SPON1: variants seen among roughly 807,000 people sequenced by gnomAD.
SPON1 encodes spondin-1.
SPON1 carries 52 observed loss-of-function variants against 111.7 expected under a neutral mutation model. That is an observed-to-expected ratio of 0.47 (90% confidence interval 0.37 to 0.59). The LOEUF is 0.59. Among genes scored for constraint, SPON1 ranks in the 20% least tolerant of loss-of-function variants. The probability of loss-of-function intolerance (pLI) is 0.00; values close to 1 mark genes in which losing one functional copy is unlikely to be tolerated. For missense variants in SPON1, 957 were observed against 1,068.5 expected (o/e 0.90, Z 1.46); for synonymous variants, 410 against 395.8 (o/e 1.04, Z -0.43).
intron 6 of SPON1, among the ~76,000 whole-genome samples, chr11:14,137,712 C>T (rs558533832): frequency 1.2e-4 from 19 of 152,088 alleles, no homozygotes; most frequent in Non-Finnish European, 2.5e-4. Flanking sequence ...ATGGCAGTAC[C>T]GTGAATTTCA....
intron 6 of SPON1, among the ~76,000 whole-genome samples, chr11:14,175,856 G>C (rs1457765056): frequency 2.0e-5 from 3 of 152,192 alleles, no homozygotes; most frequent in Admixed American, 6.5e-5. Context: ...CCATAGGCAA[G>C]GTTCTTAATT....
intron 6 of SPON1, among the ~76,000 whole-genome samples, chr11:14,151,446 G>C (rs781921781): frequency 4.6e-5 from 7 of 152,134 alleles, no homozygotes; most frequent in African/African-American, 7.2e-5. Flanking sequence ...GCCATTGAGG[G>C]TTTCTGAGCA....
At chr11:14,237,962 A>C (rs1387402701) in intron 6 of SPON1, among the ~76,000 whole-genome samples, 1 of 152,210 alleles carries the variant, frequency 6.6e-6, no homozygotes, top group Admixed American at 6.5e-5. Flanking sequence ...TGTGGCCTCT[A>C]GAATCAGACT....
chr11:14,186,538 ACT>A (rs1327835153), intron 6 of SPON1, among the ~76,000 whole-genome samples: 3 of 151,826 alleles, frequency 2.0e-5, no homozygotes, highest in Non-Finnish European at 4.4e-5. Flanking sequence ...ATTTTCTTTG[ACT>A]CTGTACCTTT....
chr11:14,177,142 G>T (rs1385386457), intron 6 of SPON1, among the ~76,000 whole-genome samples: 4 of 152,128 alleles, frequency 2.6e-5, no homozygotes, highest in Non-Finnish European at 5.9e-5. Flanking sequence ...CCAGGTTCAC[G>T]CCATTCTCCT....
Position 13,963,119 on chromosome 11 carries a change from A to G in SPON1, c.215A>G (p.Tyr72Cys). 1 of 1,525,500 alleles carries G rather than the reference A, an allele frequency of 6.6e-7. No homozygotes were observed. 94.5% of individuals were successfully genotyped at this position (1,525,500 alleles called of 1,614,324 possible). ...SLRVEGDPDF[Y>C]KPGTSYRVTL... ...CGCGTGGAGGGCGACCCCGACTTCT[A>G]CAAGCCGGGAACCAGCTACCGCGGT... Residue 72 changes from tyrosine to cysteine, a missense_variant, in exon 1 of 16, where the codon TAC becomes TGC. Tyr to Cys is a radical substitution (Grantham distance 194). Transcript: ENST00000576479.
Position 14,257,859 on chromosome 11 carries a change from G to C in SPON1, c.1453G>C (p.Asp485His). The C allele has an allele frequency of 6.3e-7, 1 of 1,581,796 alleles. No homozygotes were observed. Among genetic ancestry groups the C allele is most frequent in the Non-Finnish European group, 8.6e-7 (1 of 1,164,614 alleles). Residue 485 changes from aspartate to histidine, a missense_variant, in exon 11 of 16, where the codon GAC becomes CAC. Transcript: ENST00000576479. ...DLSVPCPDTQ[D>H]FQPCMGPGCS... ...CAGCGTCCCCTGCCCTGACACCCAGGACTTCCAGCCCTGCATGGGCCCTGG... is the reference window on the plus strand; with the variant it reads ...CAGCGTCCCCTGCCCTGACACCCAGCACTTCCAGCCCTGCATGGGCCCTGG...
intron 6 of SPON1, among the ~76,000 whole-genome samples, chr11:14,201,794 C>T (rs35926848): frequency 0.044 from 6,761 of 152,156 alleles, 234 homozygotes; most frequent in Non-Finnish European, 0.068. Flanking sequence ...AGGACAAAAT[C>T]TAGTGCATCT....
At chr11:14,131,006 T>A (rs560843712) in intron 5 of SPON1, among the ~76,000 whole-genome samples, 1 of 152,280 alleles carries the variant, frequency 6.6e-6, no homozygotes, top group South Asian at 2.1e-4. Flanking sequence ...CCATATCAGC[T>A]TAATACATGT....
intron 6 of SPON1, among the ~76,000 whole-genome samples, chr11:14,192,382 T>G (rs1367514331): frequency 2.6e-5 from 4 of 152,158 alleles, no homozygotes; most frequent in Non-Finnish European, 5.9e-5. Flanking sequence ...CATAAATATT[T>G]GTTGAATAAA....
At chr11:14,090,845 G>A (rs182146843) in intron 5 of SPON1, among the ~76,000 whole-genome samples, 5 of 38,014 alleles carry the variant, frequency 1.3e-4, no homozygotes, top group Admixed American at 2.6e-4. Context: ...CCCCCCCCCC[G>A]CCCACATCCT....
At chr11:14,059,888 A>T (rs73422184) in intron 3 of SPON1, among the ~76,000 whole-genome samples, 18 of 152,188 alleles carry the variant, frequency 1.2e-4, no homozygotes, top group African/African-American at 4.3e-4. Context: ...GTTGTCAAGA[A>T]GGTCCTTGAC....
chr11:14,088,941 C>T (rs1849028695), intron 5 of SPON1, among the ~76,000 whole-genome samples: 1 of 151,614 alleles, frequency 6.6e-6, no homozygotes, highest in African/African-American at 2.4e-5. Context: ...CTTGTGAATG[C>T]CTCAGGAAGT....
chr11:13,975,433 AT>A (rs1848095335), intron 1 of SPON1, among the ~76,000 whole-genome samples: 1 of 152,332 alleles, frequency 6.6e-6, no homozygotes, highest in Admixed American at 6.5e-5. Flanking sequence ...AGCATTTACT[AT>A]GTGTAAAGTG....
chr11:13,984,130 A>G (rs1848164648), intron 2 of SPON1, among the ~76,000 whole-genome samples: 1 of 152,208 alleles, frequency 6.6e-6, no homozygotes, highest in Admixed American at 6.5e-5. Flanking sequence ...TGTTGGGTAC[A>G]TACCATATGC....
At chr11:14,179,784 C>T (rs955876566) in intron 6 of SPON1, among the ~76,000 whole-genome samples, 2 of 152,032 alleles carry the variant, frequency 1.3e-5, no homozygotes, top group Non-Finnish European at 2.9e-5. Flanking sequence ...CTGCACTTCT[C>T]GCAGTAGCAC....
intron 6 of SPON1, among the ~76,000 whole-genome samples, chr11:14,195,558 G>A (rs1298531347): frequency 6.6e-6 from 1 of 152,216 alleles, no homozygotes; most frequent in Admixed American, 6.5e-5. Context: ...AGGGTGAAAT[G>A]TCAGGTCCTA....
At chr11:14,202,318 C>A (rs1302800342) in intron 6 of SPON1, among the ~76,000 whole-genome samples, 1 of 152,188 alleles carries the variant, frequency 6.6e-6, no homozygotes, top group East Asian at 1.9e-4. Flanking sequence ...TCACATCTCC[C>A]TCATCTTGCA....
At chr11:14,217,623 A>G (rs1211977800) in intron 6 of SPON1, among the ~76,000 whole-genome samples, 1 of 151,620 alleles carries the variant, frequency 6.6e-6, no homozygotes, top group East Asian at 1.9e-4. Flanking sequence ...TGAAGACAGT[A>G]TGTCAGAAAA....
Sources: gnomAD v4.1 joint callset for allele counts (sites outside exome capture counted in the v4.1 genomes callset) on GRCh38, gnomAD v4.1.1 for gene constraint, MANE v1.5 for transcripts, NCBI Gene and HGNC (gene_info 2026-07-23, HGNC 2026-07-21) for gene names.